MYCBP2: variants seen among roughly 807,000 people sequenced by gnomAD.
MYCBP2 encodes E3 ubiquitin-protein ligase MYCBP2.
Under a neutral mutation model 525.3 loss-of-function variants are expected in MYCBP2, and 120 were observed. The observed-to-expected ratio is 0.23, with a 90% CI of 0.20 to 0.27. The LOEUF is 0.27. MYCBP2 is among the 10% of genes least tolerant of loss of function. The pLI is 1.00. For synonymous variants in MYCBP2, 1,894 were observed against 1,955.8 expected, an observed-to-expected ratio of 0.97 and a Z score of 0.83; for missense variants, 4,149 against 5,657.1, an observed-to-expected ratio of 0.73 and a Z score of 8.55.
chr13:77,047,978 T>C (rs1371458003), intron 82 of MYCBP2, among the ~76,000 whole-genome samples: 5 of 152,182 alleles, frequency 3.3e-5, no homozygotes, highest in Non-Finnish European at 7.3e-5. Flanking sequence ...TATTAAACTT[T>C]CGCTCTAACC....
intron 1 of MYCBP2, among the ~76,000 whole-genome samples, chr13:77,319,963 C>T (rs1033456774): frequency 2.6e-5 from 4 of 152,076 alleles, no homozygotes; most frequent in African/African-American, 4.8e-5. Context: ...GAGTGCCCTC[C>T]GAACCAACAA....
At chr13:77,315,949 A>G (rs1443942744) in intron 1 of MYCBP2, among the ~76,000 whole-genome samples, 1 of 151,700 alleles carries the variant, frequency 6.6e-6, no homozygotes, top group Non-Finnish European at 1.5e-5. Flanking sequence ...TCAGCAAAGT[A>G]GGAATACTAG....
chr13:77,045,548 T>A (rs1256864945), intron 82 of MYCBP2, 55 bp from the exon 83 acceptor site: 7 of 1,051,082 alleles, frequency 6.7e-6, no homozygotes, highest in Non-Finnish European at 1.0e-5. Context: ...TACACACATA[T>A]AAACCTCACA....
At chr13:77,118,038 G>A (rs2050078147) in intron 55 of MYCBP2, among the ~76,000 whole-genome samples, 1 of 152,192 alleles carries the variant, frequency 6.6e-6, no homozygotes, top group Admixed American at 6.5e-5. Flanking sequence ...TCTACCCACT[G>A]ATAAGAGTGA....
In MYCBP2 at chr13:77,289,671, T is replaced by G. The variant is rs568013287; in HGVS notation, c.379-1295A>C. Among the ~76,000 whole-genome samples, 14 of 152,224 alleles carry G rather than the reference T, an allele frequency of 9.2e-5. 1 individual carries two copies. The highest frequency in any genetic ancestry group is 2.9e-4 in the African/African-American group (12 of 41,562). On this transcript the variant is annotated intron_variant, in intron 2 of 82. Coordinates refer to ENST00000544440, the MANE Select transcript of MYCBP2 (RefSeq NM_015057.5). Reference sequence around the variant, plus strand: ...GTCTACTCTCAGCAACTCATCAACATTGTACTGGATATCCTATCTAGTGCA... The same window carrying G: ...GTCTACTCTCAGCAACTCATCAACAGTGTACTGGATATCCTATCTAGTGCA...
At chr13:77,203,834 G>A (rs1244779002) in intron 26 of MYCBP2, among the ~76,000 whole-genome samples, 13 of 151,888 alleles carry the variant, frequency 8.6e-5, no homozygotes, top group Non-Finnish European at 1.8e-4. Context: ...GGGAAAACTG[G>A]CTAGCCATAT....
intron 32 of MYCBP2, among the ~76,000 whole-genome samples, chr13:77,182,796 T>TG (rs1272111704): frequency 2.6e-5 from 4 of 152,228 alleles, no homozygotes; most frequent in Admixed American, 6.5e-5. Flanking sequence ...TCCAGTGCAC[T>TG]GCTGAATATA....
chr13:77,139,112 G>T, intron 52 of MYCBP2, 84 bp downstream of exon 52: 1 of 1,429,362 alleles, frequency 7.0e-7, no homozygotes, highest in Non-Finnish European at 9.5e-7. Context: ...GGTTACCTCA[G>T]AACTGAAAAG....
chr13:77,202,139 G>T (rs368103288), intron 26 of MYCBP2, among the ~76,000 whole-genome samples: 12 of 152,028 alleles, frequency 7.9e-5, no homozygotes, highest in Admixed American at 3.9e-4. Context: ...TTGATAGACC[G>T]CTAACAAGAC....
intron 4 of MYCBP2, 63 bp downstream of exon 4, chr13:77,278,695 C>T (rs1434524116): frequency 1.5e-6 from 2 of 1,342,218 alleles, no homozygotes; most frequent in Non-Finnish European, 1.9e-6. Context: ...TTGAAGTGTA[C>T]AATACTCTAT....
At position 77,243,912 on chromosome 13, in the gene MYCBP2, C is replaced by A. The variant is rs1414634258; in HGVS notation, c.2421G>T (p.Val807=). Residue 807 remains valine, a synonymous_variant, in exon 16 of 83, where the codon GTG becomes GTT. Coordinates refer to ENST00000544440, the MANE Select transcript of MYCBP2 (RefSeq NM_015057.5). ...GCGSGESGCA[V]CGCCKACARE... is the part of the protein sequence containing the mutation. ...TTGCACAGGCCTTGCAACATCCACA[C>A]ACAGCACAACCAGATTCTCCGGAAC... The A allele has an allele frequency of 6.2e-7, 1 of 1,608,170 alleles. No homozygotes were observed. Among genetic ancestry groups the A allele is most frequent in the African/African-American group, 1.4e-5 (1 of 73,438 alleles).
rs1244195357 is a variant in MYCBP2 at position 77,051,642 on chromosome 13, C to A, written c.13755+169G>T. ...AAAATTATAAAATAAAAATATCGCC[C>A]AAAGGAAATAATATATATGAAATAA... On this transcript the variant is annotated intron_variant, in intron 81 of 82. Coordinates refer to ENST00000544440, the MANE Select transcript of MYCBP2 (RefSeq NM_015057.5). 3.3e-5 allele frequency among the ~76,000 whole-genome samples: 5 copies of A among 151,612 alleles called. No individual in the cohort carries two copies. In the South Asian group the frequency reaches 8.3e-4, roughly 25 times the overall value.
chr13:77,157,931 A>G lies in MYCBP2; in HGVS notation c.6770+6T>C. The G allele has an allele frequency of 6.2e-7, 1 of 1,608,526 alleles. No individual in the cohort carries two copies. Among genetic ancestry groups the G allele is most frequent in the Non-Finnish European group, 8.5e-7 (1 of 1,177,784 alleles). ...AAATAAAGTAAGTAACTTAAAGTAC[A>G]TTTACCTTGCAAGCCTTCCACCACT... On this transcript the variant is annotated splice_donor_region_variant and intron_variant, in intron 45 of 82. Coordinates refer to ENST00000544440, the MANE Select transcript of MYCBP2 (RefSeq NM_015057.5).
intron 57 of MYCBP2, 125 bp from the exon 58 acceptor site, chr13:77,095,727 A>T (rs2046138622): frequency 8.4e-7 from 1 of 1,190,546 alleles, no homozygotes; most frequent in Non-Finnish European, 1.1e-6. Context: ...TTAAGATAAT[A>T]AGATTATAAA....
At chr13:77,071,421 T>A (rs2041267314) in intron 68 of MYCBP2, among the ~76,000 whole-genome samples, 1 of 152,198 alleles carries the variant, frequency 6.6e-6, no homozygotes, top group African/African-American at 2.4e-5. Context: ...TCAAAAATGA[T>A]GCTTGGTTTT....
intron 17 of MYCBP2, among the ~76,000 whole-genome samples, chr13:77,236,819 G>A (rs975752837): frequency 3.3e-5 from 5 of 151,914 alleles, no homozygotes; most frequent in African/African-American, 1.2e-4. Context: ...GGTCACTTGG[G>A]CCCAGTTGTT....
chr13:77,073,154 GTT>G (rs944520501), intron 68 of MYCBP2, among the ~76,000 whole-genome samples: 1 of 148,124 alleles, frequency 6.8e-6, no homozygotes, highest in Non-Finnish European at 1.5e-5. Context: ...CCATCCCCTA[GTT>G]TTTTTTTTCA....
rs886315936 is a variant in MYCBP2 at position 77,071,723 on chromosome 13, GAACT to G, written c.11824-1016_11824-1013del. Among the ~76,000 whole-genome samples, 19 of 152,208 alleles carry G rather than the reference GAACT, an allele frequency of 1.2e-4. No individual in the cohort carries two copies. The East Asian group carries it at 2.5e-3, about 20-fold the overall frequency. ...AGACTTGAATATTATTGATCAACTT[GAACT>G]AACTGATATTTATAGAACCCCTCAA... On this transcript the variant is annotated intron_variant, in intron 68 of 82. Coordinates refer to ENST00000544440, the MANE Select transcript of MYCBP2 (RefSeq NM_015057.5).
Position 77,073,154 on chromosome 13 carries a change from GT to G in MYCBP2, c.11824-2444del, listed in dbSNP as rs944520501. Among the ~76,000 whole-genome samples the G allele has an allele frequency of 5.4e-5, 8 of 148,120 alleles. 1 individual carries two copies. Among genetic ancestry groups the G allele is most frequent in the Non-Finnish European group, 7.5e-5 (5 of 66,712 alleles). ...TATATCATGTAGCTACCATCCCCTA[GT>G]TTTTTTTTTCACTGAAGGAAAATGA... is the stretch of plus-strand genomic sequence containing the variant. On this transcript the variant is annotated intron_variant, in intron 68 of 82. Transcript: ENST00000544440.
Sources: allele counts gnomAD v4.1 joint callset (sites outside exome capture counted in the v4.1 genomes callset), GRCh38; gene constraint gnomAD v4.1.1; transcripts MANE v1.5; gene names NCBI Gene and HGNC (gene_info 2026-07-23, HGNC 2026-07-21).